The following COPS7A variants were observed in gnomAD, a reference collection of about 807,000 sequenced individuals.
The protein encoded by COPS7A is COP9 signalosome complex subunit 7a.
In COPS7A, 20 loss-of-function variants were observed where a neutral mutation model predicts 35.2. That is an observed-to-expected ratio of 0.57 (90% CI 0.40 to 0.83). The LOEUF (loss-of-function observed/expected upper bound fraction) is 0.83. Among genes scored for constraint, COPS7A ranks in the 40% least tolerant of loss-of-function variants. COPS7A has a pLI of 0.00. For missense variants in COPS7A, 247 were observed against 347.5 expected (o/e 0.71, Z 2.30); for synonymous variants, 139 against 141.4 (o/e 0.98, Z 0.12).
Position 6,730,517 on chromosome 12 carries a change from C to A in COPS7A, c.636+10C>A, listed in dbSNP as rs758548997. The A allele has an allele frequency of 1.4e-5, 23 of 1,613,826 alleles. No homozygotes were observed. The highest frequency in any genetic ancestry group is 3.3e-4 in the Middle Eastern group (2 of 6,044). The stretch of plus-strand genomic sequence containing the variant: ...GCAGATTGAGAGTGAGGTGAGCAGT[C>A]AGGGGAGCAGGCAGACCCAAACTCC... On this transcript the variant is annotated intron_variant, in intron 6 of 7. Transcript: ENST00000543155.
At position 6,729,602 on chromosome 12, in the gene COPS7A, A is replaced by G. The variant is rs1189953275; in HGVS notation, c.530+153A>G. 16 of 818,428 alleles carry G rather than the reference A, an allele frequency of 2.0e-5. No homozygotes were observed. The highest frequency in any genetic ancestry group is 2.3e-5 in the Non-Finnish European group (12 of 529,642). The allele number at this position is 818,428 out of a possible 1,614,324, so 50.7% of individuals were successfully genotyped here. On this transcript the variant is annotated intron_variant, in intron 5 of 7. Coordinates refer to ENST00000543155, the MANE Select transcript of COPS7A (RefSeq NM_001164094.2). The surrounding 1 kb of genome is among the most constrained non-coding windows in gnomAD (Gnocchi z 4.2). ...TCATCCCTCCAAAGGCTTCTGGGGA[A>G]TGCAGGAGTAGGGGAGGCCCTGGGA... is the stretch of plus-strand genomic sequence containing the variant.
chr12:6,729,171 A>G lies in COPS7A; in HGVS notation c.328-76A>G, dbSNP rs1941329603. On this transcript the variant is annotated intron_variant, in intron 4 of 7. Coordinates refer to ENST00000543155, the MANE Select transcript of COPS7A (RefSeq NM_001164094.2). The surrounding 1 kb of genome is among the most constrained non-coding windows in gnomAD (Gnocchi z 4.2). ...GGGCAGGTGGGCTAGGGCAGGGGGA[A>G]AAGGAGGGAAGATTTTTGGAAGCCC... 2.0e-6 allele frequency: 3 copies of G among 1,510,232 alleles called. No individual in the cohort carries two copies. Among genetic ancestry groups the G allele is most frequent in the African/African-American group, 2.7e-5 (2 of 72,932 alleles). 93.6% of individuals were successfully genotyped at this position (1,510,232 alleles called of 1,614,324 possible).
At chr12:6,730,355 G>A (rs1277248339) in intron 5 of COPS7A, 47 bp from the exon 6 acceptor site, 1 of 1,575,784 alleles carries the variant, frequency 6.3e-7, no homozygotes, top group South Asian at 1.1e-5. Context: ...GTGAGTCTGT[G>A]ATCGCAGCCC....
intron 1 of COPS7A, 125 bp downstream of exon 1, chr12:6,724,304 A>G (rs905698169): frequency 1.4e-5 from 6 of 414,030 alleles, no homozygotes; most frequent in African/African-American, 2.1e-5. Context: ...CGGGGCAGCA[A>G]TGGAGAGCTG....
chr12:6,728,270 C>G lies in COPS7A; in HGVS notation c.286C>G (p.Leu96Val). 1 of 1,614,168 alleles carries G rather than the reference C, an allele frequency of 6.2e-7. No individual in the cohort carries two copies. The highest frequency in any genetic ancestry group is 8.5e-7 in the Non-Finnish European group (1 of 1,180,024). The change falls in exon 4 of 8, where the codon CTT (leucine) becomes GTT (valine). Residue 96 changes from leucine (L) to valine (V), a missense_variant. Leu to Val is a conservative substitution (Grantham distance 32). Transcript: ENST00000543155. Reference protein sequence around the residue: ...PPLTEAQKNKLRHLSVVTLAA... With the variant: ...PPLTEAQKNKVRHLSVVTLAA... ...ACTAACAGAGGCTCAGAAGAATAAGCTTCGACACCTCTCAGTTGTCACCCT... is the reference window on the plus strand; with the variant it reads ...ACTAACAGAGGCTCAGAAGAATAAGGTTCGACACCTCTCAGTTGTCACCCT...
intron 2 of COPS7A, among the ~76,000 whole-genome samples, chr12:6,726,691 G>T (rs1210155774): frequency 6.6e-6 from 1 of 150,814 alleles, no homozygotes; most frequent in Non-Finnish European, 1.5e-5. Context: ...AAAAAGGGAG[G>T]CGGAGGTTGC....
At chr12:6,730,926 G>T (rs753589620) in intron 7 of COPS7A, 74 bp from the exon 8 acceptor site, 12 of 1,584,532 alleles carry the variant, frequency 7.6e-6, no homozygotes, top group South Asian at 4.5e-5. Flanking sequence ...AGTAGGGAGT[G>T]GGGGAGCCTC....
At chr12:6,728,960 A>G (rs1261057553) in intron 4 of COPS7A, 1 of 439,178 alleles carries the variant, frequency 2.3e-6, no homozygotes, top group Admixed American at 3.5e-5. Context: ...TGGCTAAAGG[A>G]GTGACACCCA....
At chr12:6,730,880 C>A (rs1941376428) in intron 7 of COPS7A, 60 bp downstream of exon 7, 2 of 1,601,346 alleles carry the variant, frequency 1.2e-6, no homozygotes, top group South Asian at 2.2e-5. Context: ...CCCCAGGGAC[C>A]TCACTGTCCT....
chr12:6,725,922 G>C (rs1941241509), intron 2 of COPS7A: 6 of 455,600 alleles, frequency 1.3e-5, no homozygotes, highest in Non-Finnish European at 2.6e-5. Flanking sequence ...TGGGTGCGGT[G>C]GCTCATGCCT....
chr12:6,724,161 C>T lies in COPS7A; in HGVS notation c.-62C>T, dbSNP rs1035773521. On this transcript the variant is annotated 5_prime_UTR_variant, in exon 1 of 8. Transcript: ENST00000543155. ...GAGGTCGAAGCTTCCAGGTAGCGGC[C>T]CGCAGAGCCTGACCCAGGGTACGAC... The T allele has an allele frequency of 6.7e-5, 17 of 254,266 alleles. No individual in the cohort carries two copies. In the Admixed American group the frequency reaches 9.6e-4, roughly 14 times the overall value. 15.8% of individuals were successfully genotyped at this position (254,266 alleles called of 1,614,324 possible).
intron 2 of COPS7A, 98 bp downstream of exon 2, chr12:6,724,916 C>T: frequency 7.7e-7 from 1 of 1,294,856 alleles, no homozygotes; most frequent in Non-Finnish European, 1.1e-6. Flanking sequence ...AATAACCATT[C>T]AGTTGAACAA....
chr12:6,727,614 T>C, intron 2 of COPS7A: 1 of 515,014 alleles, frequency 1.9e-6, no homozygotes, highest in Non-Finnish European at 3.8e-6. Flanking sequence ...ATTTGCAGTG[T>C]CTGGTGTGTA....
intron 1 of COPS7A, 72 bp from the exon 2 acceptor site, chr12:6,724,542 G>A: frequency 1.6e-6 from 2 of 1,262,070 alleles, no homozygotes; most frequent in Non-Finnish European, 2.3e-6. Context: ...TTACAATCCA[G>A]TCCCTCAGCC....
At chr12:6,726,815 G>A (rs1941269345) in intron 2 of COPS7A, among the ~76,000 whole-genome samples, 1 of 152,060 alleles carries the variant, frequency 6.6e-6, no homozygotes, top group Non-Finnish European at 1.5e-5. Context: ...CCTTCTTATG[G>A]TCTGGGAATA....
intron 2 of COPS7A, among the ~76,000 whole-genome samples, chr12:6,725,129 C>T (rs575741837): frequency 6.6e-6 from 1 of 151,370 alleles, no homozygotes; most frequent in Non-Finnish European, 1.5e-5. Flanking sequence ...TTGATCAGGT[C>T]ACTTTTGTTT....
chr12:6,727,979 T>G lies in COPS7A; in HGVS notation c.216T>G (p.Tyr72Ter). ...TCCGGCTGCTCACAGTGTTTGCTTA[T>G]GGGACATACGCTGACTACTTAGGTA... ...STFRLLTVFAYGTYADYLAEA... is the reference protein window; with the variant it reads ...STFRLLTVFA The change falls in exon 3 of 8, where the codon TAT becomes TAG. Residue 72 changes from tyrosine to a stop codon, truncating the protein, a stop_gained. Transcript: ENST00000543155. LOFTEE classifies it high-confidence loss of function. The G allele has an allele frequency of 6.2e-7, 1 of 1,614,182 alleles. No homozygotes were observed. Among genetic ancestry groups the G allele is most frequent in the Non-Finnish European group, 8.5e-7 (1 of 1,180,024 alleles).
intron 1 of COPS7A, 22 bp from the exon 2 acceptor site, chr12:6,724,592 T>G (rs1389741366): frequency 1.9e-6 from 3 of 1,606,670 alleles, no homozygotes; most frequent in Non-Finnish European, 2.6e-6. Flanking sequence ...GACCTCTAGC[T>G]TCACATCCTC....
At chr12:6,726,715 C>G (rs1248974331) in intron 2 of COPS7A, among the ~76,000 whole-genome samples, 1 of 149,358 alleles carries the variant, frequency 6.7e-6, no homozygotes, top group East Asian at 2.0e-4. Flanking sequence ...GAGCCGAGGT[C>G]GCGCCACTGC....
Sources: allele counts gnomAD v4.1 joint callset (sites outside exome capture counted in the v4.1 genomes callset), GRCh38; gene constraint gnomAD v4.1.1; non-coding constraint Gnocchi (gnomAD v3.1); transcripts MANE v1.5; gene names NCBI Gene and HGNC (gene_info 2026-07-23, HGNC 2026-07-21).